The following SEMA3D variants were observed in gnomAD, a reference collection of about 807,000 sequenced individuals.
SEMA3D encodes the protein semaphorin-3D.
In SEMA3D, 84 loss-of-function variants were observed where a neutral mutation model predicts 100.1. The ratio of observed to expected loss-of-function variants is 0.84; its 90% CI spans 0.70 to 1.01. The LOEUF (loss-of-function observed/expected upper bound fraction) is 1.01. Ranked by LOEUF, SEMA3D falls within the 50% of genes least tolerant of loss-of-function variation. The probability of loss-of-function intolerance (pLI) is 0.00; values close to 1 mark genes in which losing one functional copy is unlikely to be tolerated. For synonymous variants in SEMA3D, 312 were observed against 320.7 expected, an observed-to-expected ratio of 0.97 and a Z score of 0.29; for missense variants, 875 against 934.1, an observed-to-expected ratio of 0.94 and a Z score of 0.82.
chr7:85,154,359 T>C (rs951885530), intron 1 of SEMA3D, among the ~76,000 whole-genome samples: 3 of 152,064 alleles, frequency 2.0e-5, no homozygotes, highest in African/African-American at 7.2e-5. Flanking sequence ...TTTTATTTTT[T>C]AGAAAGATGG....
At chr7:85,038,716 T>A (rs1361187030) in intron 11 of SEMA3D, among the ~76,000 whole-genome samples, 2 of 152,190 alleles carry the variant, frequency 1.3e-5, no homozygotes, top group Admixed American at 6.5e-5. Context: ...GAACTAGGAT[T>A]GAGATACTTG....
chr7:85,109,653 A>G (rs1274310986), intron 3 of SEMA3D, among the ~76,000 whole-genome samples: 1 of 152,010 alleles, frequency 6.6e-6, no homozygotes, highest in Non-Finnish European at 1.5e-5. Flanking sequence ...CAAACTGTAT[A>G]TTACTAGTTC....
intron 4 of SEMA3D, among the ~76,000 whole-genome samples, chr7:85,084,364 G>A (rs929133997): frequency 6.6e-6 from 1 of 152,084 alleles, no homozygotes; most frequent in Non-Finnish European, 1.5e-5. Context: ...TTGTTGTGCA[G>A]CCAATCTCTA....
Position 85,036,909 on chromosome 7 carries a change from G to A in SEMA3D, c.1171C>T (p.Pro391Ser). 1.2e-6 allele frequency: 2 copies of A among 1,613,070 alleles called. No homozygotes were observed. Among genetic ancestry groups the A allele is most frequent in the Non-Finnish European group, 1.7e-6 (2 of 1,179,332 alleles). The change falls in exon 12 of 19, where the codon CCT (proline) becomes TCT (serine). Residue 391 changes from proline to serine, a missense_variant. Physicochemically the swap from Pro to Ser is moderately conservative, Grantham distance 74. Coordinates refer to ENST00000284136, the MANE Select transcript of SEMA3D (RefSeq NM_001384900.1). ...HRWVQYDGRIPYPRPGTCPSK... is the reference protein window; with the variant it reads ...HRWVQYDGRISYPRPGTCPSK... ...CATACTGTACCAGGCCGTGGATAAG[G>A]AATTCTCCCATCATACTGCACCCAA...
chr7:85,174,834 C>T (rs1791183314), intron 1 of SEMA3D, among the ~76,000 whole-genome samples: 1 of 152,042 alleles, frequency 6.6e-6, no homozygotes, highest in African/African-American at 2.4e-5. Context: ...AAATCGTAGC[C>T]AGAGCCCCTT....
Position 85,022,436 on chromosome 7 carries a change from C to T in SEMA3D, c.1369G>A (p.Val457Ile), listed in dbSNP as rs142496795. 8.1e-6 allele frequency: 13 copies of T among 1,612,318 alleles called. No individual in the cohort carries two copies. The highest frequency in any genetic ancestry group is 1.1e-5 in the Non-Finnish European group (13 of 1,178,880). ...YRLTQIVVDH[V>I]IAEDGQYDVM... The stretch of plus-strand genomic sequence containing the variant: ...TCGTACTGGCCATCTTCTGCAATGA[C>T]ATGATCCACCACTATCTGTGTCAGT... The change falls in exon 13 of 19, where the codon GTC becomes ATC. Residue 457 changes from valine to isoleucine, a missense_variant. By Grantham distance (29) the Val-to-Ile change is conservative. Coordinates refer to ENST00000284136, the MANE Select transcript of SEMA3D (RefSeq NM_001384900.1).
intron 2 of SEMA3D, among the ~76,000 whole-genome samples, chr7:85,148,336 T>A (rs1450056803): frequency 6.6e-6 from 1 of 152,196 alleles, no homozygotes; most frequent in Non-Finnish European, 1.5e-5. Flanking sequence ...GTTTTAGTGT[T>A]CTGTTTTGAG....
chr7:85,140,946 T>TC, intron 2 of SEMA3D: 2 of 598,044 alleles, frequency 3.3e-6, no homozygotes, highest in Non-Finnish European at 4.2e-6. Flanking sequence ...TCTTTATTTT[T>TC]CCCTATTTTC....
chr7:85,159,970 C>T, intron 1 of SEMA3D: 1 of 984,566 alleles, frequency 1.0e-6, no homozygotes, highest in Non-Finnish European at 1.2e-6. Flanking sequence ...TCTACGGTAA[C>T]TACTCCAGAG....
intron 12 of SEMA3D, among the ~76,000 whole-genome samples, chr7:85,035,988 C>A (rs1790682013): frequency 6.6e-6 from 1 of 152,008 alleles, no homozygotes; most frequent in Non-Finnish European, 1.5e-5. Flanking sequence ...TAGCTACCAG[C>A]TGGTTCTCCT....
At chr7:85,177,107 A>T (rs1264715683) in intron 1 of SEMA3D, among the ~76,000 whole-genome samples, 2 of 152,168 alleles carry the variant, frequency 1.3e-5, no homozygotes, top group Non-Finnish European at 2.9e-5. Flanking sequence ...ATTGCCTAAC[A>T]ACATATTCCT....
the SEMA3D span, among the ~76,000 whole-genome samples, chr7:85,198,870 C>CT: frequency 1.5e-5 from 2 of 131,800 alleles, no homozygotes; most frequent in African/African-American, 5.6e-5. Flanking sequence ...TGTTCTTTAA[C>CT]TTTTTTGGGA....
At chr7:85,076,833 C>A (rs547460460) in intron 5 of SEMA3D, among the ~76,000 whole-genome samples, 1 of 152,006 alleles carries the variant, frequency 6.6e-6, no homozygotes, top group Admixed American at 6.6e-5. Context: ...CGGTGGCTCA[C>A]GCCTGTAATC....
chr7:85,238,499 C>T, the SEMA3D span, among the ~76,000 whole-genome samples: 1 of 152,132 alleles, frequency 6.6e-6, no homozygotes, highest in African/African-American at 2.4e-5. Context: ...CGTCAAAAAT[C>T]AATGGGCTAC....
At chr7:85,248,711 A>G in the SEMA3D span, among the ~76,000 whole-genome samples, 1 of 152,280 alleles carries the variant, frequency 6.6e-6, no homozygotes, top group South Asian at 2.1e-4. Flanking sequence ...CACTAAGTGA[A>G]AGAAATCAAC....
chr7:85,169,420 T>C (rs933223937), intron 1 of SEMA3D, among the ~76,000 whole-genome samples: 3 of 151,854 alleles, frequency 2.0e-5, no homozygotes, highest in Admixed American at 6.6e-5. Context: ...ATTTTGCTCC[T>C]GACATTCTTT....
intron 9 of SEMA3D, among the ~76,000 whole-genome samples, chr7:85,047,833 C>T (rs1345633178): frequency 1.3e-5 from 2 of 151,726 alleles, no homozygotes; most frequent in Non-Finnish European, 2.9e-5. Flanking sequence ...TTATTCTCTG[C>T]TTAAAATTTA....
chr7:85,179,811 G>A (rs533180866), intron 1 of SEMA3D, among the ~76,000 whole-genome samples: 5 of 151,960 alleles, frequency 3.3e-5, no homozygotes, highest in Admixed American at 1.3e-4. Flanking sequence ...ACAGGCGCCC[G>A]CCACTGTGCC....
the SEMA3D span, among the ~76,000 whole-genome samples, chr7:85,247,013 T>C: frequency 4.6e-5 from 7 of 152,186 alleles, no homozygotes; most frequent in South Asian, 1.4e-3. Context: ...TAATTTCATT[T>C]ACTTAAAAGT....
Sources: allele counts gnomAD v4.1 joint callset (sites outside exome capture counted in the v4.1 genomes callset), GRCh38; gene constraint gnomAD v4.1.1; transcripts MANE v1.5; gene names NCBI Gene and HGNC (gene_info 2026-07-23, HGNC 2026-07-21).